The following CAPS2 variants were observed in gnomAD, a reference collection of about 807,000 sequenced individuals.
CAPS2 encodes the protein calcyphosin-2.
Under a neutral mutation model 86.5 loss-of-function variants are expected in CAPS2, and 98 were observed. The ratio of observed to expected loss-of-function variants is 1.13; its 90% CI spans 0.96 to 1.34. The LOEUF is 1.34. Ranked by LOEUF, CAPS2 falls within the 40% of genes most tolerant of loss-of-function variation. The probability of loss-of-function intolerance (pLI) is 0.00; values close to 1 mark genes in which losing one functional copy is unlikely to be tolerated. For synonymous variants in CAPS2, 210 were observed against 225.1 expected (o/e 0.93, Z 0.60); for missense variants, 729 against 686.8 (o/e 1.06, Z -0.69).
chr12:75,305,041 A>C (rs2038288112), intron 7 of CAPS2, 165 bp from the exon 8 acceptor site: 1 of 504,348 alleles, frequency 2.0e-6, no homozygotes, highest in Non-Finnish European at 3.2e-6. Flanking sequence ...TTCCATAAGA[A>C]AGTAAATATT....
intron 1 of CAPS2, among the ~76,000 whole-genome samples, chr12:75,351,801 C>T (rs1200551707): frequency 6.6e-6 from 1 of 152,208 alleles, no homozygotes; most frequent in South Asian, 2.1e-4. Flanking sequence ...CCCTCCTTGG[C>T]CTCCCAAAGT....
chr12:75,286,148 A>C (rs2034830955), intron 14 of CAPS2, among the ~76,000 whole-genome samples: 1 of 152,068 alleles, frequency 6.6e-6, no homozygotes, highest in African/African-American at 2.4e-5. Flanking sequence ...GGTGCTTAGC[A>C]AATAATAGGT....
exon 15 of CAPS2, chr12:75,284,991 C>T (rs2034612134): frequency 1.2e-6 from 2 of 1,607,790 alleles, no homozygotes; most frequent in Admixed American, 1.7e-5. Context: ...TGTATTCATT[C>T]ATTTCACCAA....
At chr12:75,284,830 C>G in intron 15 of CAPS2, 131 bp downstream of exon 15, 1 of 782,948 alleles carries the variant, frequency 1.3e-6, no homozygotes, top group Non-Finnish European at 1.9e-6. Flanking sequence ...GACCTGTTTT[C>G]TGTTTTACTA....
At chr12:75,298,843 A>T in intron 10 of CAPS2, 28 bp downstream of exon 10, 1 of 1,590,388 alleles carries the variant, frequency 6.3e-7, no homozygotes, top group South Asian at 1.1e-5. Flanking sequence ...GAACATCTCC[A>T]GAGTTCTAAC....
intron 1 of CAPS2, among the ~76,000 whole-genome samples, chr12:75,354,087 C>T (rs554123530): frequency 2.1e-5 from 3 of 140,424 alleles, no homozygotes; most frequent in Non-Finnish European, 4.6e-5. Flanking sequence ...CAGTATAAGA[C>T]AAAAATGTCC....
intron 1 of CAPS2, among the ~76,000 whole-genome samples, chr12:75,384,253 A>C (rs2045164241): frequency 6.6e-6 from 1 of 152,202 alleles, no homozygotes; most frequent in Non-Finnish European, 1.5e-5. Flanking sequence ...AAGATTGATA[A>C]GCTTCTAGCC....
At chr12:75,343,295 A>AT (rs903364730) in intron 1 of CAPS2, among the ~76,000 whole-genome samples, 47 of 151,762 alleles carry the variant, frequency 3.1e-4, no homozygotes, top group African/African-American at 9.7e-4. Context: ...AATTAAGGGG[A>AT]TTTTTTCTTT....
At chr12:75,359,773 G>C (rs937145271) in intron 1 of CAPS2, 3 of 152,062 alleles carry the variant, frequency 2.0e-5, no homozygotes, top group Admixed American at 1.3e-4. Flanking sequence ...GGAACAATTA[G>C]TTATCCATAA....
intron 11 of CAPS2, among the ~76,000 whole-genome samples, chr12:75,296,836 G>A (rs1362557004): frequency 2.6e-5 from 4 of 152,202 alleles, no homozygotes; most frequent in Non-Finnish European, 1.5e-5. Flanking sequence ...AGGAACAAGA[G>A]GTGGAAGAGT....
chr12:75,387,674 G>A (rs1465042821), intron 1 of CAPS2, among the ~76,000 whole-genome samples: 1 of 152,066 alleles, frequency 6.6e-6, no homozygotes, highest in African/African-American at 2.4e-5. Context: ...TTGCTACTGG[G>A]GACTCTGCAG....
intron 7 of CAPS2, among the ~76,000 whole-genome samples, chr12:75,306,712 A>G (rs2038547102): frequency 6.6e-6 from 1 of 152,100 alleles, no homozygotes; most frequent in South Asian, 2.1e-4. Flanking sequence ...CTGCTCCTGG[A>G]AAGTTTGGAA....
chr12:75,326,556 T>C (rs892095730), upstream of CAPS2: 5 of 954,200 alleles, frequency 5.2e-6, no homozygotes, highest in Admixed American at 4.3e-5. Context: ...AAATGTTAAA[T>C]GGTAATTCTT....
intron 1 of CAPS2, among the ~76,000 whole-genome samples, chr12:75,339,360 G>C (rs2041949424): frequency 6.6e-6 from 1 of 152,046 alleles, no homozygotes; most frequent in African/African-American, 2.4e-5. Context: ...CTGATGTTGA[G>C]CTTTTTTTCA....
At chr12:75,334,988 TA>T (rs2041624278), upstream of CAPS2, 1 of 1,302,778 alleles carries the variant, frequency 7.7e-7, no homozygotes, top group Admixed American at 2.3e-5. Flanking sequence ...TAACTTGTAC[TA>T]ATTCAATCCG....
chr12:75,360,428 A>T (rs1565997551), intron 1 of CAPS2: 1 of 152,222 alleles, frequency 6.6e-6, no homozygotes, highest in Non-Finnish European at 1.5e-5. Context: ...GGATACAGGC[A>T]TTGGGTAAAT....
At chr12:75,380,834 A>G (rs1340251747) in intron 1 of CAPS2, among the ~76,000 whole-genome samples, 1 of 152,142 alleles carries the variant, frequency 6.6e-6, no homozygotes, top group South Asian at 2.1e-4. Flanking sequence ...AAATTTACCA[A>G]TATATTGTTT....
At chr12:75,326,904 T>C (rs1040894664), upstream of CAPS2, among the ~76,000 whole-genome samples, 16 of 152,038 alleles carry the variant, frequency 1.1e-4, no homozygotes, top group Admixed American at 1.0e-3. Flanking sequence ...ACAGAGAAGA[T>C]GTAAGGATGG....
At chr12:75,289,201 T>C (rs1407728336) in intron 14 of CAPS2, among the ~76,000 whole-genome samples, 8 of 152,176 alleles carry the variant, frequency 5.3e-5, no homozygotes, top group Non-Finnish European at 1.0e-4. Flanking sequence ...TAATTCCTCC[T>C]CAACCTTCAA....
Sources: allele counts gnomAD v4.1 joint callset (sites outside exome capture counted in the v4.1 genomes callset), GRCh38; gene constraint gnomAD v4.1.1; transcripts MANE v1.5; gene names NCBI Gene and HGNC (gene_info 2026-07-23, HGNC 2026-07-21).